FBXL17: variants seen among roughly 807,000 people sequenced by gnomAD.
FBXL17 encodes F-box/LRR-repeat protein 17.
Under a neutral mutation model 66.2 loss-of-function variants are expected in FBXL17, and 22 were observed. The ratio of observed to expected loss-of-function variants is 0.33; its 90% CI spans 0.24 to 0.47. The LOEUF is 0.47. FBXL17 is among the 20% of genes least tolerant of loss of function. The pLI, the probability that FBXL17 is intolerant of heterozygous loss-of-function variation, is 1.00. For synonymous variants in FBXL17, 474 were observed against 400.5 expected (o/e 1.18, Z -2.19); for missense variants, 878 against 948.2 (o/e 0.93, Z 0.97).
intron 3 of FBXL17, among the ~76,000 whole-genome samples, chr5:108,355,260 CTTTA>C (rs144119979): frequency 0.4 from 55,836 of 141,246 alleles, 12,625 homozygotes; most frequent in East Asian, 0.7. Flanking sequence ...GGATGAAAAA[CTTTA>C]TTTATTTATT....
At chr5:107,943,069 C>T (rs11953823) in intron 7 of FBXL17, among the ~76,000 whole-genome samples, 48,598 of 152,004 alleles carry the variant, frequency 0.32, 8,427 homozygotes, top group African/African-American at 0.44. Context: ...CTTGCTCTTG[C>T]TGGCTCTTCT....
chr5:108,348,898 G>C (rs973464233), intron 3 of FBXL17, among the ~76,000 whole-genome samples: 1 of 152,076 alleles, frequency 6.6e-6, no homozygotes, highest in African/African-American at 2.4e-5. Flanking sequence ...TCAACCTCCT[G>C]GGCTAAAGAG....
chr5:107,997,514 A>T (rs1430406521), intron 7 of FBXL17, among the ~76,000 whole-genome samples: 3 of 152,180 alleles, frequency 2.0e-5, no homozygotes. Flanking sequence ...GCTATTCATT[A>T]CCCAAGAGAA....
At chr5:107,946,309 A>ATT (rs1751292404) in intron 7 of FBXL17, among the ~76,000 whole-genome samples, 3 of 86,538 alleles carry the variant, frequency 3.5e-5, no homozygotes, top group African/African-American at 1.4e-4. Flanking sequence ...ATATATATAT[A>ATT]TTAGTGACAG....
At chr5:108,290,083 T>G (rs1487476227) in intron 4 of FBXL17, among the ~76,000 whole-genome samples, 1 of 152,196 alleles carries the variant, frequency 6.6e-6, no homozygotes, top group Non-Finnish European at 1.5e-5. Flanking sequence ...CCACAAATCT[T>G]AAGACACATT....
At chr5:108,167,547 T>C (rs1176917638) in intron 6 of FBXL17, among the ~76,000 whole-genome samples, 2 of 152,238 alleles carry the variant, frequency 1.3e-5, no homozygotes, top group African/African-American at 2.4e-5. Context: ...CTGCAAGCTC[T>C]ATTCACAGGT....
intron 7 of FBXL17, among the ~76,000 whole-genome samples, chr5:107,957,464 T>G (rs1751709070): frequency 6.6e-6 from 1 of 152,174 alleles, no homozygotes; most frequent in Non-Finnish European, 1.5e-5. Flanking sequence ...AATTCTTATT[T>G]AGAATACACA....
intron 6 of FBXL17, among the ~76,000 whole-genome samples, chr5:108,109,116 T>C (rs1301619891): frequency 6.6e-6 from 1 of 151,940 alleles, no homozygotes; most frequent in East Asian, 1.9e-4. Flanking sequence ...ATTGGGAAAG[T>C]AAAAAGGAGA....
intron 4 of FBXL17, among the ~76,000 whole-genome samples, chr5:108,347,234 T>TA (rs1470803605): frequency 6.6e-6 from 1 of 152,186 alleles, no homozygotes; most frequent in Non-Finnish European, 1.5e-5. Context: ...CATGTCACTG[T>TA]AATGAATACT....
At chr5:108,371,832 T>C (rs192009409) in intron 1 of FBXL17, among the ~76,000 whole-genome samples, 44 of 152,376 alleles carry the variant, frequency 2.9e-4, no homozygotes, top group East Asian at 1.9e-3. Context: ...GGAAGTGTTA[T>C]ATAAATAAGC....
Position 108,310,809 on chromosome 5 carries a change from T to C in FBXL17, c.1506+37590A>G, listed in dbSNP as rs560530799. Among the ~76,000 whole-genome samples, 41 of 152,298 alleles carry C rather than the reference T, an allele frequency of 2.7e-4. No homozygotes were observed. In the South Asian group the frequency reaches 7.9e-3, roughly 29 times the overall value. On this transcript the variant is annotated intron_variant, in intron 4 of 8. Coordinates refer to ENST00000542267, the MANE Select transcript of FBXL17 (RefSeq NM_001163315.3). ...TTTATTTTAAATCAAAGGCAATATG[T>C]GACTTGTCAGGGTTCCTTCTTTACA...
At chr5:108,206,835 T>C (rs140887371) in intron 5 of FBXL17, among the ~76,000 whole-genome samples, 163 of 152,280 alleles carry the variant, frequency 1.1e-3, no homozygotes, top group African/African-American at 3.5e-3. Context: ...TATGGATCCA[T>C]GTCTTTGCAT....
rs893372184 is a variant in FBXL17 at position 108,298,259 on chromosome 5, C to A, written c.1506+50140G>T. The A allele has an allele frequency of 7.1e-6, 7 of 984,590 alleles. No individual in the cohort carries two copies. In the African/African-American group the frequency reaches 1.2e-4, roughly 17 times the overall value. 61.0% of individuals were successfully genotyped at this position (984,590 alleles called of 1,614,324 possible). On this transcript the variant is annotated intron_variant, in intron 4 of 8. Transcript: ENST00000542267. ...TTAAGTTATAGTCTTCTTGCTACTT[C>A]TTACTACTATGTGAACAAGACACAC...
At chr5:108,041,649 C>G (rs1055974287) in intron 6 of FBXL17, among the ~76,000 whole-genome samples, 3 of 152,068 alleles carry the variant, frequency 2.0e-5, no homozygotes, top group African/African-American at 7.2e-5. Flanking sequence ...AACTCCTTAG[C>G]TCAAGTGATC....
chr5:107,885,828 C>G (rs866885115), intron 7 of FBXL17, among the ~76,000 whole-genome samples: 2 of 151,832 alleles, frequency 1.3e-5, no homozygotes, highest in African/African-American at 4.8e-5. Context: ...GAAGCAGGCA[C>G]GAGATGTGGG....
intron 6 of FBXL17, among the ~76,000 whole-genome samples, chr5:108,103,886 CTT>C (rs148888975): frequency 1.7e-3 from 261 of 152,300 alleles, no homozygotes; most frequent in African/African-American, 6.0e-3. Context: ...CACTGTTAAA[CTT>C]TTTGTTGATT....
intron 5 of FBXL17, among the ~76,000 whole-genome samples, chr5:108,197,548 G>A (rs1753727816): frequency 6.6e-6 from 1 of 152,094 alleles, no homozygotes; most frequent in Non-Finnish European, 1.5e-5. Flanking sequence ...TTAAAGTAGT[G>A]AAATAACTAA....
At chr5:107,871,862 A>C (rs1196809257) in intron 8 of FBXL17, among the ~76,000 whole-genome samples, 1 of 152,150 alleles carries the variant, frequency 6.6e-6, no homozygotes, top group Admixed American at 6.5e-5. Context: ...TCTAAATTAA[A>C]CTCATGAAGT....
chr5:108,272,863 T>C lies in FBXL17; in HGVS notation c.1507-48635A>G, dbSNP rs559268046. Among the ~76,000 whole-genome samples the C allele has an allele frequency of 2.9e-4, 44 of 152,346 alleles. 1 individual carries two copies. In the South Asian group the frequency reaches 8.7e-3, roughly 30 times the overall value. On this transcript the variant is annotated intron_variant, in intron 4 of 8. Coordinates refer to ENST00000542267, the MANE Select transcript of FBXL17 (RefSeq NM_001163315.3). ...ATATAAAAATACTCTATGCAGAGTA[T>C]GGTATGAAAAACATAACCATAGTTA...
Sources: gnomAD v4.1 joint callset for allele counts (sites outside exome capture counted in the v4.1 genomes callset) on GRCh38, gnomAD v4.1.1 for gene constraint, MANE v1.5 for transcripts, NCBI Gene and HGNC (gene_info 2026-07-23, HGNC 2026-07-21) for gene names.